Variants in NAALADL2 observed in about 807,000 individuals in gnomAD.
NAALADL2 encodes inactive N-acetylated-alpha-linked acidic dipeptidase-like protein 2.
In NAALADL2, 76 loss-of-function variants were observed where a neutral mutation model predicts 87.2. The ratio of observed to expected loss-of-function variants is 0.87; its 90% CI spans 0.72 to 1.05. NAALADL2 has a LOEUF of 1.05. Ranked by LOEUF, NAALADL2 falls within the 50% of genes least tolerant of loss-of-function variation. NAALADL2 has a pLI of 0.00. For missense variants in NAALADL2, 1,089 were observed against 945.8 expected (o/e 1.15, Z -1.99); for synonymous variants, 354 against 331.0 (o/e 1.07, Z -0.75).
chr3:175,263,586 T>C (rs542220306), intron 4 of NAALADL2, among the ~76,000 whole-genome samples: 4 of 151,926 alleles, frequency 2.6e-5, no homozygotes, highest in Admixed American at 6.6e-5. Context: ...TTTTCGCATA[T>C]TTCTTATTGT....
chr3:174,622,766 C>T (rs572912495), intron 2 of NAALADL2, among the ~76,000 whole-genome samples: 19 of 152,246 alleles, frequency 1.2e-4, no homozygotes, highest in Admixed American at 2.6e-4. Context: ...TCGGGCCGGG[C>T]GCGGTGGCTC....
chr3:175,449,880 GA>G (rs2149231507), intron 6 of NAALADL2, among the ~76,000 whole-genome samples: 1 of 152,166 alleles, frequency 6.6e-6, no homozygotes, highest in South Asian at 2.1e-4. Context: ...TGTTCTCATG[GA>G]TATTGTTATG....
intron 2 of NAALADL2, among the ~76,000 whole-genome samples, chr3:175,114,133 A>T (rs1354015137): frequency 6.6e-6 from 1 of 151,680 alleles, no homozygotes; most frequent in Non-Finnish European, 1.5e-5. Flanking sequence ...AAGAGCTGAA[A>T]GCCTTAGTGA....
At chr3:174,704,302 A>G (rs1025914871) in intron 2 of NAALADL2, among the ~76,000 whole-genome samples, 3 of 152,194 alleles carry the variant, frequency 2.0e-5, no homozygotes, top group Non-Finnish European at 2.9e-5. Context: ...ACAGACTTTA[A>G]AAAAGATTAT....
chr3:174,872,019 T>G (rs1161506894), intron 1 of NAALADL2, among the ~76,000 whole-genome samples: 1 of 152,228 alleles, frequency 6.6e-6, no homozygotes, highest in Non-Finnish European at 1.5e-5. Context: ...GCAGGAAATC[T>G]TTTTTGAAAT....
At chr3:175,795,715 ATAAAAAAG>A (rs1400922942) in intron 13 of NAALADL2, among the ~76,000 whole-genome samples, 23 of 150,288 alleles carry the variant, frequency 1.5e-4, no homozygotes, top group African/African-American at 5.0e-4. Flanking sequence ...AATAAAATAA[ATAAAAAAG>A]AACAGATTCT....
At chr3:174,761,715 A>G (rs1712987948) in intron 3 of NAALADL2, among the ~76,000 whole-genome samples, 1 of 151,500 alleles carries the variant, frequency 6.6e-6, no homozygotes, top group Non-Finnish European at 1.5e-5. Context: ...TGCTGTACCC[A>G]TTAACTCGTC....
intron 4 of NAALADL2, among the ~76,000 whole-genome samples, chr3:175,265,554 A>G (rs183077395): frequency 3.3e-5 from 5 of 151,704 alleles, no homozygotes; most frequent in Middle Eastern, 3.4e-3. Context: ...TTAAGAACAC[A>G]TTGCTAAGGA....
chr3:175,591,121 A>G (rs1721389879), intron 10 of NAALADL2, among the ~76,000 whole-genome samples: 1 of 152,216 alleles, frequency 6.6e-6, no homozygotes, highest in Non-Finnish European at 1.5e-5. Flanking sequence ...TGACACTTCA[A>G]CTTGTATAGG....
At chr3:174,556,002 TGTGTGTGCGC>T (rs754342130) in intron 2 of NAALADL2, among the ~76,000 whole-genome samples, 147 of 138,406 alleles carry the variant, frequency 1.1e-3, no homozygotes, top group South Asian at 6.8e-3. Flanking sequence ...TGTGTGTGTG[TGTGTGTGCGC>T]GCACGTGAGT....
chr3:174,481,687 A>G (rs1229467458), intron 1 of NAALADL2, among the ~76,000 whole-genome samples: 2 of 152,172 alleles, frequency 1.3e-5, no homozygotes, highest in African/African-American at 4.8e-5. Context: ...ATACCAAACA[A>G]AATCAGCAAA....
At chr3:174,812,728 A>T (rs1235997935) in intron 3 of NAALADL2, among the ~76,000 whole-genome samples, 1 of 151,960 alleles carries the variant, frequency 6.6e-6, no homozygotes, top group Non-Finnish European at 1.5e-5. Flanking sequence ...GATGATGCTG[A>T]TCTCGTATAG....
intron 11 of NAALADL2, among the ~76,000 whole-genome samples, chr3:175,727,643 G>A (rs1458111484): frequency 1.3e-5 from 2 of 152,134 alleles, no homozygotes; most frequent in African/African-American, 2.4e-5. Flanking sequence ...TCATTCTAAT[G>A]TCTTTGAAAA....
At chr3:174,927,867 A>C (rs1350366102) in intron 1 of NAALADL2, among the ~76,000 whole-genome samples, 1 of 152,154 alleles carries the variant, frequency 6.6e-6, no homozygotes, top group Non-Finnish European at 1.5e-5. Flanking sequence ...TCAGAGCATA[A>C]CTAAAGGAGA....
At chr3:175,392,531 A>G (rs1469459160) in intron 5 of NAALADL2, among the ~76,000 whole-genome samples, 1 of 152,186 alleles carries the variant, frequency 6.6e-6, no homozygotes, top group Non-Finnish European at 1.5e-5. Flanking sequence ...CTACTTTTAG[A>G]TGTAATTCTT....
intron 2 of NAALADL2, among the ~76,000 whole-genome samples, chr3:175,123,723 G>A (rs549526752): frequency 2.6e-5 from 4 of 151,890 alleles, no homozygotes; most frequent in African/African-American, 4.8e-5. Context: ...GTCAACTTAC[G>A]TATTTCCTCC....
At chr3:175,142,989 T>A (rs1028486723) in intron 2 of NAALADL2, among the ~76,000 whole-genome samples, 1 of 151,984 alleles carries the variant, frequency 6.6e-6, no homozygotes, top group African/African-American at 2.4e-5. Context: ...AATTGGATAA[T>A]TTTATTCTTC....
chr3:174,441,674 C>T (rs957605091), intron 1 of NAALADL2, among the ~76,000 whole-genome samples: 1 of 151,882 alleles, frequency 6.6e-6, no homozygotes, highest in African/African-American at 2.4e-5. Flanking sequence ...ATTTGCCCTA[C>T]AGTTGCATTG....
chr3:175,417,441 G>T (rs998141701), intron 5 of NAALADL2, among the ~76,000 whole-genome samples: 2 of 151,848 alleles, frequency 1.3e-5, no homozygotes, highest in Non-Finnish European at 2.9e-5. Flanking sequence ...TGGAATAAAC[G>T]ATGCCTTCAA....
Sources: allele counts gnomAD v4.1 joint callset (sites outside exome capture counted in the v4.1 genomes callset), GRCh38; gene constraint gnomAD v4.1.1; transcripts MANE v1.5; gene names NCBI Gene and HGNC (gene_info 2026-07-23, HGNC 2026-07-21).